MEGF11: variants seen among roughly 807,000 people sequenced by gnomAD.
MEGF11 encodes the protein multiple EGF like domains 11.
MEGF11 carries 126 observed loss-of-function variants against 146.6 expected under a neutral mutation model. The observed-to-expected ratio is 0.86, with a 90% confidence interval of 0.74 to 1.00. The LOEUF is 1.00. Ranked by LOEUF, MEGF11 falls within the 50% of genes least tolerant of loss-of-function variation. The pLI, the probability that MEGF11 is intolerant of heterozygous loss-of-function variation, is 0.00. For synonymous variants in MEGF11, 532 were observed against 583.4 expected, an observed-to-expected ratio of 0.91 and a Z score of 1.27; for missense variants, 1,509 against 1,521.2, an observed-to-expected ratio of 0.99 and a Z score of 0.13.
intron 1 of MEGF11, among the ~76,000 whole-genome samples, chr15:66,167,540 G>A (rs1462851306): frequency 6.6e-6 from 1 of 152,196 alleles, no homozygotes; most frequent in Non-Finnish European, 1.5e-5. Flanking sequence ...AGCTACTGGG[G>A]AGGCTGAGGC....
intron 4 of MEGF11, among the ~76,000 whole-genome samples, chr15:66,118,113 G>T (rs1357423592): frequency 3.3e-5 from 5 of 152,092 alleles, no homozygotes; most frequent in Non-Finnish European, 7.4e-5. Flanking sequence ...AGAAGCTTTG[G>T]GGGTGGAATC....
intron 1 of MEGF11, among the ~76,000 whole-genome samples, chr15:66,158,591 G>A (rs1050900558): frequency 6.6e-6 from 1 of 152,240 alleles, no homozygotes; most frequent in Admixed American, 6.5e-5. Flanking sequence ...GAGGATCCAG[G>A]GTTCCTGGGC....
At chr15:66,240,388 C>T (rs2092185893) in intron 1 of MEGF11, among the ~76,000 whole-genome samples, 1 of 152,220 alleles carries the variant, frequency 6.6e-6, no homozygotes, top group Non-Finnish European at 1.5e-5. Flanking sequence ...GCCAAGGTCC[C>T]CTAGAGCTGG....
At chr15:65,980,364 G>C (rs1398589602) in intron 7 of MEGF11, among the ~76,000 whole-genome samples, 2 of 151,574 alleles carry the variant, frequency 1.3e-5, no homozygotes, top group Non-Finnish European at 2.9e-5. Flanking sequence ...TAAATAGGAG[G>C]GAGGGTATTC....
chr15:66,086,700 C>G (rs1156594165), intron 5 of MEGF11, among the ~76,000 whole-genome samples: 1 of 152,118 alleles, frequency 6.6e-6, no homozygotes, highest in East Asian at 1.9e-4. Flanking sequence ...CACATCAAAA[C>G]AGAATCTCTT....
intron 10 of MEGF11, among the ~76,000 whole-genome samples, chr15:65,933,072 T>C (rs1251323628): frequency 6.6e-6 from 1 of 152,114 alleles, no homozygotes; most frequent in Non-Finnish European, 1.5e-5. Context: ...TGTGGGTCTT[T>C]GCCACGGAGA....
At chr15:65,934,904 T>C (rs1355589842) in intron 10 of MEGF11, among the ~76,000 whole-genome samples, 1 of 152,174 alleles carries the variant, frequency 6.6e-6, no homozygotes, top group African/African-American at 2.4e-5. Flanking sequence ...ATCCATATCC[T>C]TTGTAATATC....
At chr15:66,060,555 C>T (rs1338598537) in intron 5 of MEGF11, among the ~76,000 whole-genome samples, 3 of 152,240 alleles carry the variant, frequency 2.0e-5, no homozygotes, top group African/African-American at 7.2e-5. Flanking sequence ...CCTCCTTCAT[C>T]CATGTCAAAG....
intron 5 of MEGF11, among the ~76,000 whole-genome samples, chr15:66,067,268 G>A (rs1225210500): frequency 3.9e-5 from 6 of 152,164 alleles, no homozygotes; most frequent in African/African-American, 7.2e-5. Flanking sequence ...ATCCCTGTAC[G>A]TTACTACTGC....
At chr15:66,055,982 T>C (rs1444965173) in intron 5 of MEGF11, among the ~76,000 whole-genome samples, 1 of 151,998 alleles carries the variant, frequency 6.6e-6, no homozygotes, top group Non-Finnish European at 1.5e-5. Context: ...ATGGCTCTGG[T>C]AGGGTGATCC....
chr15:66,100,134 C>G (rs187150607), intron 4 of MEGF11, among the ~76,000 whole-genome samples: 55 of 152,362 alleles, frequency 3.6e-4, no homozygotes, highest in African/African-American at 1.3e-3. Context: ...GCACGCTCTG[C>G]CCATTCATGC....
At position 65,900,935 on chromosome 15, in the gene MEGF11, A is replaced by C. The variant is rs193190659; in HGVS notation, c.3056-2001T>G. Among the ~76,000 whole-genome samples, 5 of 152,338 alleles carry C rather than the reference A, an allele frequency of 3.3e-5. No individual in the cohort carries two copies. In the East Asian group the frequency reaches 9.6e-4, roughly 29 times the overall value. Reference sequence around the variant, plus strand: ...TAGGCCCAGATGCTGGTTGACTTTTATTTCAAATGCTGCACTAGTGCCCTG... The same window carrying C: ...TAGGCCCAGATGCTGGTTGACTTTTCTTTCAAATGCTGCACTAGTGCCCTG... On this transcript the variant is annotated intron_variant, in intron 24 of 25. Transcript: ENST00000395614.
At chr15:66,004,539 T>C (rs1029371396) in intron 5 of MEGF11, among the ~76,000 whole-genome samples, 1 of 152,178 alleles carries the variant, frequency 6.6e-6, no homozygotes, top group East Asian at 1.9e-4. Flanking sequence ...ATGTCACAAA[T>C]ATTTAATAAT....
intron 4 of MEGF11, among the ~76,000 whole-genome samples, chr15:66,104,803 A>T (rs1452204165): frequency 6.6e-6 from 1 of 152,182 alleles, no homozygotes; most frequent in Non-Finnish European, 1.5e-5. Context: ...CACATCTAAC[A>T]GCATCATGGG....
intron 1 of MEGF11, among the ~76,000 whole-genome samples, chr15:66,221,278 C>T (rs1031677870): frequency 5.3e-5 from 8 of 152,158 alleles, no homozygotes; most frequent in East Asian, 1.9e-4. Flanking sequence ...GTCACGGGCT[C>T]GCAGCCGCTC....
At chr15:66,012,556 TA>T (rs2082742576) in intron 5 of MEGF11, among the ~76,000 whole-genome samples, 2 of 152,378 alleles carry the variant, frequency 1.3e-5, no homozygotes, top group African/African-American at 4.8e-5. Flanking sequence ...TAATTCTAAT[TA>T]TGATGCAGCA....
chr15:66,076,395 T>C (rs2085584341), intron 5 of MEGF11, among the ~76,000 whole-genome samples: 1 of 152,196 alleles, frequency 6.6e-6, no homozygotes, highest in Non-Finnish European at 1.5e-5. Context: ...AAATAACTGC[T>C]TCTAATTGGG....
At chr15:66,147,647 G>A (rs1021770614) in intron 1 of MEGF11, among the ~76,000 whole-genome samples, 2 of 152,190 alleles carry the variant, frequency 1.3e-5, no homozygotes, top group Non-Finnish European at 2.9e-5. Context: ...AGAAAGAGCA[G>A]GTGCACCGAG....
intron 1 of MEGF11, among the ~76,000 whole-genome samples, chr15:66,198,768 G>A (rs1292329984): frequency 1.3e-5 from 2 of 152,092 alleles, no homozygotes; most frequent in African/African-American, 2.4e-5. Context: ...ACTGGTGTGA[G>A]CCACCGAGCC....
Sources: allele counts gnomAD v4.1 joint callset (sites outside exome capture counted in the v4.1 genomes callset), GRCh38; gene constraint gnomAD v4.1.1; transcripts MANE v1.5; gene names NCBI Gene and HGNC (gene_info 2026-07-23, HGNC 2026-07-21).